PRKCB: variants seen among roughly 807,000 people sequenced by gnomAD.
PRKCB encodes the protein protein kinase C beta type.
A neutral mutation model predicts 81.5 loss-of-function variants in PRKCB; 13 were observed. That is an observed-to-expected ratio of 0.16 (90% CI 0.10 to 0.25). The LOEUF (loss-of-function observed/expected upper bound fraction) is 0.25. Ranked by LOEUF, PRKCB falls within the 10% of genes least tolerant of loss-of-function variation. The pLI, the probability that PRKCB is intolerant of heterozygous loss-of-function variation, is 1.00. For synonymous variants in PRKCB, 335 were observed against 321.4 expected (o/e 1.04, Z -0.45); for missense variants, 509 against 875.7 (o/e 0.58, Z 5.29).
intron 3 of PRKCB, among the ~76,000 whole-genome samples, chr16:24,000,886 T>C (rs2141830226): frequency 6.6e-6 from 1 of 152,322 alleles, no homozygotes; most frequent in South Asian, 2.1e-4. Context: ...TTCCAAATGG[T>C]CTCTGCTATG....
At chr16:24,085,664 T>A (rs1966303056) in intron 5 of PRKCB, among the ~76,000 whole-genome samples, 1 of 152,074 alleles carries the variant, frequency 6.6e-6, no homozygotes, top group Non-Finnish European at 1.5e-5. Flanking sequence ...TTATGAGAAT[T>A]TGGGGGTGGG....
At chr16:23,902,683 T>C (rs1469986085) in intron 2 of PRKCB, among the ~76,000 whole-genome samples, 8 of 151,508 alleles carry the variant, frequency 5.3e-5, no homozygotes, top group Non-Finnish European at 1.5e-5. Context: ...CTCTTGATGA[T>C]AATGCGTTCA....
intron 2 of PRKCB, among the ~76,000 whole-genome samples, chr16:23,892,040 A>G (rs1013213718): frequency 1.3e-5 from 2 of 152,144 alleles, no homozygotes; most frequent in African/African-American, 4.8e-5. Context: ...GTGTGTGCAA[A>G]TTGGGAGACG....
At chr16:24,021,023 T>TCC (rs1567346696) in intron 3 of PRKCB, among the ~76,000 whole-genome samples, 1 of 135,440 alleles carries the variant, frequency 7.4e-6, no homozygotes, top group Non-Finnish European at 1.6e-5. Flanking sequence ...TTTCTTTCTT[T>TCC]CTTTCTTTCT....
chr16:24,016,368 C>T (rs957659679), intron 3 of PRKCB, among the ~76,000 whole-genome samples: 2 of 151,842 alleles, frequency 1.3e-5, no homozygotes, highest in Non-Finnish European at 2.9e-5. Flanking sequence ...GCTGGCATAC[C>T]CGGGCTAAGA....
At chr16:24,050,324 G>A (rs1489504836) in intron 5 of PRKCB, among the ~76,000 whole-genome samples, 1 of 152,140 alleles carries the variant, frequency 6.6e-6, no homozygotes, top group Non-Finnish European at 1.5e-5. Context: ...CACTCCAGTT[G>A]GAGTAGCTTC....
chr16:23,837,399 G>A lies in PRKCB; in HGVS notation c.198G>A (p.Gln66=). 6.2e-7 allele frequency: 1 copy of A among 1,612,996 alleles called. No individual in the cohort carries two copies. Among genetic ancestry groups the A allele is most frequent in the East Asian group, 2.2e-5 (1 of 44,776 alleles). ...FIWGFGKQGF[Q]CQVCCFVVHK... ...GGGGCTTCGGGAAGCAGGGATTCCA[G>A]TGCCAAGGTAGGCTCTGGGGCTTTG... The change falls in exon 2 of 17, where the codon CAG becomes CAA. Residue 66 remains glutamine, a synonymous_variant. Transcript: ENST00000643927.
At chr16:23,837,503 C>A (rs1962186102) in intron 2 of PRKCB, 97 bp downstream of exon 2, 3 of 1,471,730 alleles carry the variant, frequency 2.0e-6, no homozygotes, top group East Asian at 2.4e-5. Context: ...GTGAAAGAAT[C>A]ACGTTGGTCG....
intron 16 of PRKCB, among the ~76,000 whole-genome samples, chr16:24,202,404 T>A (rs906537053): frequency 5.9e-5 from 9 of 152,236 alleles, no homozygotes; most frequent in Non-Finnish European, 1.2e-4. Flanking sequence ...GAGTCATCAA[T>A]GACCTGAAAA....
At chr16:24,198,393 A>G (rs1967909189) in intron 16 of PRKCB, among the ~76,000 whole-genome samples, 1 of 152,226 alleles carries the variant, frequency 6.6e-6, no homozygotes, top group Non-Finnish European at 1.5e-5. Flanking sequence ...AGCCCAGGGT[A>G]CAAGGATTCA....
At chr16:24,143,654 A>C (rs1306201672) in intron 9 of PRKCB, among the ~76,000 whole-genome samples, 4 of 152,048 alleles carry the variant, frequency 2.6e-5, no homozygotes, top group Admixed American at 6.5e-5. Flanking sequence ...CCCCAAGTTG[A>C]CCTCAGCTCA....
intron 10 of PRKCB, among the ~76,000 whole-genome samples, chr16:24,164,662 A>G (rs1433199363): frequency 4.6e-5 from 7 of 152,216 alleles, no homozygotes; most frequent in African/African-American, 1.7e-4. Context: ...GGATAGAAAT[A>G]TAAGTCAAGA....
Position 24,091,088 on chromosome 16 carries a change from A to G in PRKCB, c.530-1703A>G, listed in dbSNP as rs181959127. 2.0e-5 allele frequency among the ~76,000 whole-genome samples: 3 copies of G among 152,300 alleles called. No individual in the cohort carries two copies. The East Asian group carries it at 5.8e-4, about 29-fold the overall frequency. On this transcript the variant is annotated intron_variant, in intron 5 of 16. Coordinates refer to ENST00000643927, the MANE Select transcript of PRKCB (RefSeq NM_002738.7). ...TTACTGCACTTATGGAACACGAGAA[A>G]AAAAAGTATTAAATAATGGCTATGG...
chr16:23,934,076 C>A lies in PRKCB; in HGVS notation c.206-54432C>A, dbSNP rs539794641. On this transcript the variant is annotated intron_variant, in intron 2 of 16. Transcript: ENST00000643927. ...ATCCACCCATTTGACTTTCTTTTTA[C>A]GAAACTTTCCCTTTGATCAATGGAG... Among the ~76,000 whole-genome samples, 3 of 150,512 alleles carry A rather than the reference C, an allele frequency of 2.0e-5. No homozygotes were observed. In the South Asian group the frequency reaches 6.3e-4, roughly 31 times the overall value.
chr16:23,990,271 A>T (rs140694958), intron 3 of PRKCB, among the ~76,000 whole-genome samples: 1 of 151,984 alleles, frequency 6.6e-6, no homozygotes, highest in African/African-American at 2.4e-5. Flanking sequence ...ATCCTGGCTA[A>T]CATGGTGAAA....
chr16:24,212,997 C>T (rs187708044), intron 16 of PRKCB, among the ~76,000 whole-genome samples: 3 of 150,462 alleles, frequency 2.0e-5, no homozygotes, highest in African/African-American at 7.4e-5. Flanking sequence ...AGGCTGCCAC[C>T]GTACTTGTAT....
In PRKCB at chr16:24,123,933, G is replaced by C; in HGVS notation, c.1017G>C (p.Leu339=). 1.2e-6 allele frequency: 2 copies of C among 1,614,188 alleles called. No individual in the cohort carries two copies. Among genetic ancestry groups the C allele is most frequent in the Non-Finnish European group, 1.7e-6 (2 of 1,180,020 alleles). ...ATGGCAACAGAGACCGGATGAAACT[G>C]ACCGATTTTAACTTCCTAATGGTGC... ...DNNGNRDRMK[L]TDFNFLMVLG... The change falls in exon 9 of 17, where the codon CTG becomes CTC. Residue 339 remains leucine, a synonymous_variant. Coordinates refer to ENST00000643927, the MANE Select transcript of PRKCB (RefSeq NM_002738.7).
chr16:24,191,035 C>T (rs1293846559), intron 15 of PRKCB, 55 bp from the exon 16 acceptor site: 2 of 1,576,728 alleles, frequency 1.3e-6, no homozygotes, highest in East Asian at 4.5e-5. Context: ...TTCTGAGTGT[C>T]TTACATTTCC....
At chr16:23,895,927 T>C (rs974319500) in intron 2 of PRKCB, among the ~76,000 whole-genome samples, 2 of 152,234 alleles carry the variant, frequency 1.3e-5, no homozygotes, top group South Asian at 4.1e-4. Flanking sequence ...TAATTAATAT[T>C]TCTGCTCATG....
Sources: allele counts gnomAD v4.1 joint callset (sites outside exome capture counted in the v4.1 genomes callset), GRCh38; gene constraint gnomAD v4.1.1; transcripts MANE v1.5; gene names NCBI Gene and HGNC (gene_info 2026-07-23, HGNC 2026-07-21).